Variants in CACNA2D4 observed in about 807,000 individuals in gnomAD.
CACNA2D4 encodes the protein calcium voltage-gated channel auxiliary subunit alpha2delta 4, also known as voltage-dependent calcium channel subunit alpha-2/delta-4.
Under a neutral mutation model 163.8 loss-of-function variants are expected in CACNA2D4, and 157 were observed. The ratio of observed to expected loss-of-function variants is 0.96; its 90% CI spans 0.84 to 1.09. The LOEUF (loss-of-function observed/expected upper bound fraction) is 1.09, where lower values mean the gene tolerates loss of function less well. Ranked by LOEUF, CACNA2D4 falls within the 50% of genes least tolerant of loss-of-function variation. The pLI is 0.00. For synonymous variants in CACNA2D4, 598 were observed against 586.9 expected, an observed-to-expected ratio of 1.02 and a Z score of -0.27; for missense variants, 1,410 against 1,479.9, an observed-to-expected ratio of 0.95 and a Z score of 0.78.
At position 1,917,784 on chromosome 12, in the gene CACNA2D4, T is replaced by C. The variant is rs1013115449; in HGVS notation, c.227+463A>G. Among the ~76,000 whole-genome samples the C allele has an allele frequency of 1.3e-5, 2 of 152,324 alleles. No individual in the cohort carries two copies. Among genetic ancestry groups the C allele is most frequent in the South Asian group, 2.1e-4 (1 of 4,822 alleles). ...CTGGACAAGCCACCTCCTGTGCGCA[T>C]GAGACGTTCTGTGGGTTCAGAACTG... is the stretch of plus-strand genomic sequence containing the variant. On this transcript the variant is annotated intron_variant, in intron 1 of 37. Transcript: ENST00000382722. This position sits in a 1 kb window ranked among gnomAD's most constrained non-coding sequence, Gnocchi z 4.3.
chr12:1,868,725 G>A (rs1281795639), intron 18 of CACNA2D4, among the ~76,000 whole-genome samples: 2 of 152,044 alleles, frequency 1.3e-5, no homozygotes, highest in Non-Finnish European at 2.9e-5. Context: ...TGTATATCAA[G>A]ATAAGTACAG....
rs1356991249 is a variant in CACNA2D4, at chr12:1,874,301, A to G, written c.1878+303T>C. On this transcript the variant is annotated intron_variant, in intron 18 of 37. Coordinates refer to ENST00000382722, the MANE Select transcript of CACNA2D4 (RefSeq NM_172364.5). This position sits in a 1 kb window ranked among gnomAD's most constrained non-coding sequence, Gnocchi z 4.4. ...TTCCCCTTTTCATTATAAACAACAAAAGGGCCAGTAGCAGGCAGCATAAGG... is the reference window on the plus strand; with the variant it reads ...TTCCCCTTTTCATTATAAACAACAAGAGGGCCAGTAGCAGGCAGCATAAGG... 6.6e-6 allele frequency among the ~76,000 whole-genome samples: 1 copy of G among 152,182 alleles called. No homozygotes were observed. Among genetic ancestry groups the G allele is most frequent in the Non-Finnish European group, 1.5e-5 (1 of 68,034 alleles).
chr12:1,799,942 T>G lies in CACNA2D4; in HGVS notation c.2974+58A>C. 1 of 1,538,102 alleles carries G rather than the reference T, an allele frequency of 6.5e-7. No individual in the cohort carries two copies. The highest frequency in any genetic ancestry group is 8.9e-7 in the Non-Finnish European group (1 of 1,128,738). ...CACCCCACAGGGAATGGTCTCACGT[T>G]AGTGGACCAAAATGCCACTGCTCTT... On this transcript the variant is annotated intron_variant, in intron 33 of 37. Coordinates refer to ENST00000382722, the MANE Select transcript of CACNA2D4 (RefSeq NM_172364.5). The surrounding 1 kb of genome is among the most constrained non-coding windows in gnomAD (Gnocchi z 4.7).
At chr12:1,907,382 C>T (rs1592748892) in intron 6 of CACNA2D4, 58 bp downstream of exon 6, 1 of 287,364 alleles carries the variant, frequency 3.5e-6, no homozygotes, top group Non-Finnish European at 5.1e-6. Context: ...TTCAGTGCCC[C>T]TATTATTTCC....
chr12:1,854,569 CTAATTTTTG>C (rs1025023531), intron 22 of CACNA2D4, among the ~76,000 whole-genome samples: 1 of 152,180 alleles, frequency 6.6e-6, no homozygotes. Flanking sequence ...CCACACCTGG[CTAATTTTTG>C]TAATTTTTGT....
chr12:1,822,181 T>TG (rs1233151992), intron 26 of CACNA2D4: 5 of 151,926 alleles, frequency 3.3e-5, no homozygotes, highest in Non-Finnish European at 5.9e-5. Flanking sequence ...TCTGGTGTCT[T>TG]TGGGGTTTGA....
rs544113805 is a variant in CACNA2D4 at position 1,829,242 on chromosome 12, C to T, written c.2551+11497G>A. 3.3e-5 allele frequency among the ~76,000 whole-genome samples: 5 copies of T among 152,194 alleles called. No homozygotes were observed. Among genetic ancestry groups the T allele is most frequent in the African/African-American group, 7.2e-5 (3 of 41,456 alleles). On this transcript the variant is annotated intron_variant, in intron 26 of 37. Transcript: ENST00000382722. This position sits in a 1 kb window ranked among gnomAD's most constrained non-coding sequence, Gnocchi z 4.2. ...CAGGCCCTTCTCTGGGAGGGGCGAG[C>T]GGCTTCTGGTGATGCAGATCCTTTT...
chr12:1,866,814 G>A lies in CACNA2D4; in HGVS notation c.1879-6608C>T, dbSNP rs561409500. Among the ~76,000 whole-genome samples the A allele has an allele frequency of 4.2e-3, 444 of 106,526 alleles. 5 individuals are homozygous for A. The highest frequency in any genetic ancestry group is 0.015 in the African/African-American group (420 of 28,212). The allele number at this position is 106,526 out of a possible 152,430, so 69.9% of individuals were successfully genotyped here. ...TTTTTTTTTTTTTTTGTATTTTTTTGTAGAGATGGGGTCTCCCTATGTTGT... is the reference window on the plus strand; with the variant it reads ...TTTTTTTTTTTTTTTGTATTTTTTTATAGAGATGGGGTCTCCCTATGTTGT... On this transcript the variant is annotated intron_variant, in intron 18 of 37. Coordinates refer to ENST00000382722, the MANE Select transcript of CACNA2D4 (RefSeq NM_172364.5).
At chr12:1,915,433 A>T (rs1244495769) in intron 1 of CACNA2D4, among the ~76,000 whole-genome samples, 1 of 152,212 alleles carries the variant, frequency 6.6e-6, no homozygotes, top group African/African-American at 2.4e-5. Context: ...GGACAGCCTC[A>T]GGCCAGGGCC....
intron 26 of CACNA2D4, among the ~76,000 whole-genome samples, chr12:1,823,946 G>C (rs1864214325): frequency 6.6e-6 from 1 of 152,228 alleles, no homozygotes; most frequent in South Asian, 2.1e-4. Flanking sequence ...TTAGGAGCCA[G>C]AGAGCTCGGG....
rs1336815814 is a variant in CACNA2D4, at chr12:1,878,377, C to T, written c.1657G>A (p.Gly553Arg). 3.7e-6 allele frequency: 6 copies of T among 1,604,996 alleles called. No individual in the cohort carries two copies. The highest frequency in any genetic ancestry group is 2.3e-5 in the South Asian group (2 of 88,834). The change falls in exon 16 of 38, where the codon GGA becomes AGA. Residue 553 changes from glycine to arginine, a missense_variant. Transcript: ENST00000382722. The surrounding 1 kb of genome is among the most constrained non-coding windows in gnomAD (Gnocchi z 4.6). ...TTGTTGGTGTTCAGAAAGGCGTATCCGTGCACTCCAAGCTGCCAGAGTCCA... is the reference window on the plus strand; with the variant it reads ...TTGTTGGTGTTCAGAAAGGCGTATCTGTGCACTCCAAGCTGCCAGAGTCCA... ...LAPRYKLGVHGYAFLNTNNGY... is the reference protein window; with the variant it reads ...LAPRYKLGVHRYAFLNTNNGY...
In CACNA2D4 at chr12:1,856,122, A is replaced by T. The variant is rs771156670; in HGVS notation, c.2055-13T>A. On this transcript the variant is annotated splice_polypyrimidine_tract_variant and intron_variant, in intron 21 of 37. Coordinates refer to ENST00000382722, the MANE Select transcript of CACNA2D4 (RefSeq NM_172364.5). ...GATGCAGTAGATCCTGAAACCCAGG[A>T]AAGTCAGTGTTATCTCAAAACATTC... 5 of 1,613,866 alleles carry T rather than the reference A, an allele frequency of 3.1e-6. No homozygotes were observed. In the South Asian group the frequency reaches 5.5e-5, roughly 18 times the overall value.
intron 26 of CACNA2D4, chr12:1,831,575 C>A: frequency 6.8e-7 from 1 of 1,469,444 alleles, no homozygotes; most frequent in Non-Finnish European, 9.4e-7. Flanking sequence ...ACGATCACCT[C>A]TGGCCCCACA....
chr12:1,808,999 CCCA>C (rs1299400437), intron 29 of CACNA2D4, among the ~76,000 whole-genome samples: 1 of 152,198 alleles, frequency 6.6e-6, no homozygotes, highest in Non-Finnish European at 1.5e-5. Context: ...CGCCCACACT[CCCA>C]CCAACAGGAA....
chr12:1,855,089 T>A (rs1865370112), intron 22 of CACNA2D4, among the ~76,000 whole-genome samples: 1 of 152,124 alleles, frequency 6.6e-6, no homozygotes, highest in Non-Finnish European at 1.5e-5. Context: ...CCCTACAGCA[T>A]CCTGTTCATG....
Position 1,797,522 on chromosome 12 carries a change from C to A in CACNA2D4, c.3009G>T (p.Lys1003Asn). Residue 1003 changes from lysine (K) to asparagine (N), a missense_variant, in exon 35 of 38, where the codon AAG becomes AAT. By Grantham distance (94) the Lys-to-Asn change is moderately conservative. Coordinates refer to ENST00000382722, the MANE Select transcript of CACNA2D4 (RefSeq NM_172364.5). ...CGCAGGGCTGCAGCGGGTCCTGCTT[C>A]TTGTGTTTGTGGGCTGCGGGCGGAG... ...KSVFHHSHKH[K>N]KQDPLQPCDT... 1 of 1,569,974 alleles carries A rather than the reference C, an allele frequency of 6.4e-7. No homozygotes were observed. Among genetic ancestry groups the A allele is most frequent in the Middle Eastern group, 1.7e-4 (1 of 6,016 alleles).
Position 1,844,498 on chromosome 12 carries a change from C to A in CACNA2D4, c.2374G>T (p.Val792Leu), listed in dbSNP as rs200749936. 2 of 1,613,390 alleles carry A rather than the reference C, an allele frequency of 1.2e-6. No homozygotes were observed. Among genetic ancestry groups the A allele is most frequent in the Non-Finnish European group, 1.7e-6 (2 of 1,179,734 alleles). ...AGCGGGAAGCGGTCCAGGGTGAACA[C>A]GCTGGCCTCGTCCTCAGGTGTCAGG... ...KFLTPEDEASVFTLDRFPLWY... is the reference protein window; with the variant it reads ...KFLTPEDEASLFTLDRFPLWY... The change falls in exon 25 of 38, where the codon GTG becomes TTG. Residue 792 changes from valine to leucine, a missense_variant. Transcript: ENST00000382722. This position sits in a 1 kb window ranked among gnomAD's most constrained non-coding sequence, Gnocchi z 4.2.
Position 1,878,126 on chromosome 12 carries a change from C to T in CACNA2D4, c.1719+189G>A, listed in dbSNP as rs1053681809. Among the ~76,000 whole-genome samples the T allele has an allele frequency of 6.6e-6, 1 of 152,224 alleles. No homozygotes were observed. Among genetic ancestry groups the T allele is most frequent in the Non-Finnish European group, 1.5e-5 (1 of 68,040 alleles). ...CATCAGTCATTTCACATGTTTTTGC[C>T]TTGTCTCTTCTGATAGAATCTAAAC... On this transcript the variant is annotated intron_variant, in intron 16 of 37. Coordinates refer to ENST00000382722, the MANE Select transcript of CACNA2D4 (RefSeq NM_172364.5). This position sits in a 1 kb window ranked among gnomAD's most constrained non-coding sequence, Gnocchi z 4.6.
In CACNA2D4 at chr12:1,793,557, G is replaced by A. The variant is rs1363082365; in HGVS notation, c.*98C>T. 3.8e-6 allele frequency: 4 copies of A among 1,051,010 alleles called. No individual in the cohort carries two copies. Among genetic ancestry groups the A allele is most frequent in the Non-Finnish European group, 5.9e-6 (4 of 683,084 alleles). The allele number at this position is 1,051,010 out of a possible 1,614,324, so 65.1% of individuals were successfully genotyped here. A position where few individuals can be genotyped will look rare whatever the true frequency, so the allele number is the denominator to read the frequency against. On this transcript the variant is annotated 3_prime_UTR_variant, in exon 38 of 38. Coordinates refer to ENST00000382722, the MANE Select transcript of CACNA2D4 (RefSeq NM_172364.5). The stretch of plus-strand genomic sequence containing the variant: ...TTGAGAGGAGCGTTGGCCTGGGGGC[G>A]ACCCAACTGCAGTTAGCTGCATCCC...
Sources: gnomAD v4.1 joint callset for allele counts (sites outside exome capture counted in the v4.1 genomes callset) on GRCh38, gnomAD v4.1.1 for gene constraint, Gnocchi (gnomAD v3.1) non-coding constraint, MANE v1.5 for transcripts, NCBI Gene and HGNC (gene_info 2026-07-23, HGNC 2026-07-21) for gene names.